PLS3: variants seen among roughly 807,000 people sequenced by gnomAD.
PLS3 encodes the protein plastin-3.
In PLS3, 11 loss-of-function variants were observed where a neutral mutation model predicts 46.5. The observed-to-expected ratio is 0.24, with a 90% CI of 0.15 to 0.39. The LOEUF (loss-of-function observed/expected upper bound fraction) is 0.39. Among genes scored for constraint, PLS3 ranks in the 10% least tolerant of loss-of-function variants. PLS3 has a pLI of 1.00. For synonymous variants in PLS3, 167 were observed against 162.2 expected (o/e 1.03, Z -0.22); for missense variants, 308 against 461.8 (o/e 0.67, Z 3.05).
At chrX:115,627,747 T>C in intron 3 of PLS3, among the ~76,000 whole-genome samples, 1 of 111,786 alleles carries the variant, frequency 8.9e-6, no homozygotes, top group East Asian at 2.8e-4. Flanking sequence ...TCTGCATACA[T>C]ATACAAACAT....
chrX:115,647,547 T>C lies in PLS3; in HGVS notation c.1512-3T>C. ...TGACGTTTTCTTCTGCTGCCTCTCT[T>C]AGATATACCCTCAATGTCCTGGAAG... On this transcript the variant is annotated splice_region_variant and splice_polypyrimidine_tract_variant and intron_variant, in intron 13 of 15. Coordinates refer to ENST00000355899, the MANE Select transcript of PLS3 (RefSeq NM_005032.7). 1.7e-6 allele frequency: 2 copies of C among 1,205,687 alleles called. No homozygotes were observed. Among genetic ancestry groups the C allele is most frequent in the Non-Finnish European group, 2.2e-6 (2 of 890,413 alleles).
intron 8 of PLS3, among the ~76,000 whole-genome samples, chrX:115,639,156 T>C (rs978749853): frequency 1.8e-5 from 2 of 112,476 alleles, no homozygotes; most frequent in Admixed American, 1.9e-4. Flanking sequence ...TCTTTACTTG[T>C]TCTTCTCAAG....
At position 115,578,667 on chromosome X, in the gene PLS3, G is replaced by A. The variant is rs189339830; in HGVS notation, c.-9+17407G>A. 5.4e-3 allele frequency among the ~76,000 whole-genome samples: 472 copies of A among 87,183 alleles called. 5 individuals are homozygous for A. Among genetic ancestry groups the A allele is most frequent in the African/African-American group, 0.019 (430 of 22,347 alleles). The allele number at this position is 87,183 out of a possible 115,157, so 75.7% of individuals were successfully genotyped here. ...GTGAACCCGGGAGACGGAGCTTGCA[G>A]TGAGCCGAGATCACGCCACTGCACA... On this transcript the variant is annotated intron_variant, in intron 1 of 15. Coordinates refer to ENST00000355899, the MANE Select transcript of PLS3 (RefSeq NM_005032.7).
intron 1 of PLS3, among the ~76,000 whole-genome samples, chrX:115,573,529 T>C (rs1314135448): frequency 8.9e-6 from 1 of 112,444 alleles, no homozygotes; most frequent in Non-Finnish European, 1.9e-5. Flanking sequence ...TGTGGAAATA[T>C]TCATGTATGC....
chrX:115,636,801 A>AT (rs2074841662), intron 7 of PLS3, 35 bp from the exon 8 acceptor site: 5 of 1,163,082 alleles, frequency 4.3e-6, no homozygotes, highest in Non-Finnish European at 5.8e-6. Flanking sequence ...ATTGTGTCAT[A>AT]TAATAACTGT....
At position 115,650,011 on chromosome X, in the gene PLS3, A is replaced by G. The variant is rs782148505; in HGVS notation, c.*450A>G. The G allele has an allele frequency of 8.8e-6, 1 of 113,392 alleles. No homozygotes were observed. Among genetic ancestry groups the G allele is most frequent in the Non-Finnish European group, 1.9e-5 (1 of 53,734 alleles). 9.3% of individuals were successfully genotyped at this position (113,392 alleles called of 1,213,427 possible). Reference sequence around the variant, plus strand: ...AACTATGGTCAGAGCGTATTTGGATATGAGTATCCTTTGCTTATCTTTGTA... The same window carrying G: ...AACTATGGTCAGAGCGTATTTGGATGTGAGTATCCTTTGCTTATCTTTGTA... On this transcript the variant is annotated 3_prime_UTR_variant, in exon 16 of 16. Transcript: ENST00000355899.
chrX:115,640,009 A>G, intron 8 of PLS3: 3 of 543,234 alleles, frequency 5.5e-6, no homozygotes, highest in Non-Finnish European at 9.2e-6. Flanking sequence ...TGGTATATGC[A>G]TTGTGCTTTG....
chrX:115,587,517 C>T (rs1035272090), intron 1 of PLS3, among the ~76,000 whole-genome samples: 6 of 111,490 alleles, frequency 5.4e-5, no homozygotes, highest in Non-Finnish European at 1.1e-4. Flanking sequence ...GGGCAGATCA[C>T]GAGGTCAGGA....
chrX:115,583,908 C>CT (rs2147432894), intron 1 of PLS3, among the ~76,000 whole-genome samples: 1 of 110,884 alleles, frequency 9.0e-6, no homozygotes, highest in South Asian at 3.8e-4. Flanking sequence ...TGAGGAAAAA[C>CT]TTGATACACT....
chrX:115,630,766 CAT>C (rs72471382), intron 5 of PLS3, among the ~76,000 whole-genome samples: 7,642 of 91,540 alleles, frequency 0.083, 615 homozygotes, highest in African/African-American at 0.22. Context: ...ATTTTATACA[CAT>C]ATATACAAAA....
At chrX:115,636,245 T>A (rs371789019) in intron 7 of PLS3, among the ~76,000 whole-genome samples, 1 of 102,136 alleles carries the variant, frequency 9.8e-6, no homozygotes, top group Admixed American at 1.0e-4. Flanking sequence ...CTCGCTCTGT[T>A]GCCCAGGCTG....
At chrX:115,614,319 C>T in intron 2 of PLS3, 1 of 751,878 alleles carries the variant, frequency 1.3e-6, no homozygotes, top group Non-Finnish European at 1.6e-6. Context: ...AAAATGATGG[C>T]CAAACTGCTG....
chrX:115,639,046 G>C (rs182264555), intron 8 of PLS3, among the ~76,000 whole-genome samples: 1 of 111,683 alleles, frequency 9.0e-6, no homozygotes, highest in African/African-American at 3.2e-5. Flanking sequence ...TAATTGTTTG[G>C]TAATGTGAAA....
At chrX:115,631,749 T>C (rs956235111) in intron 5 of PLS3, among the ~76,000 whole-genome samples, 1 of 110,730 alleles carries the variant, frequency 9.0e-6, no homozygotes, top group Non-Finnish European at 1.9e-5. Flanking sequence ...TATATATATA[T>C]ACATTTCCTT....
chrX:115,615,890 C>T (rs1556636734), intron 2 of PLS3, among the ~76,000 whole-genome samples: 1 of 111,706 alleles, frequency 9.0e-6, no homozygotes, highest in Non-Finnish European at 1.9e-5. Flanking sequence ...TGGTTGGAAA[C>T]TATGATGCTG....
intron 2 of PLS3, among the ~76,000 whole-genome samples, chrX:115,614,002 C>T (rs782025217): frequency 7.0e-4 from 77 of 110,784 alleles, no homozygotes; most frequent in African/African-American, 2.4e-3. Context: ...GACGGAGTCT[C>T]GCTCTGTCAC....
At chrX:115,575,455 G>A (rs1443735190) in intron 1 of PLS3, among the ~76,000 whole-genome samples, 1 of 107,742 alleles carries the variant, frequency 9.3e-6, no homozygotes, top group African/African-American at 3.6e-5. Context: ...GTTATTTTTT[G>A]TTCCTTGAGA....
In PLS3 at chrX:115,639,604, G is replaced by A. The variant is rs2074873867; in HGVS notation, c.892-804G>A. The A allele has an allele frequency of 1.0e-5, 3 of 286,825 alleles. No individual in the cohort carries two copies. The Admixed American group carries it at 1.2e-4, about 11-fold the overall frequency. The allele number at this position is 286,825 out of a possible 1,213,427, so 23.6% of individuals were successfully genotyped here. A position where few individuals can be genotyped will look rare whatever the true frequency, so the allele number is the denominator to read the frequency against. Reference sequence around the variant, plus strand: ...AGCTGGAAGGTGGTCTTCACATATGGCAGGATTAAGGAATCTTGACTCAAA... The same window carrying A: ...AGCTGGAAGGTGGTCTTCACATATGACAGGATTAAGGAATCTTGACTCAAA... On this transcript the variant is annotated intron_variant, in intron 8 of 15. Coordinates refer to ENST00000355899, the MANE Select transcript of PLS3 (RefSeq NM_005032.7).
chrX:115,589,780 A>G (rs2074333021), intron 1 of PLS3, among the ~76,000 whole-genome samples: 1 of 111,602 alleles, frequency 9.0e-6, no homozygotes, highest in Admixed American at 9.5e-5. Flanking sequence ...CTTATGTGAA[A>G]CTCCCATAAC....
Sources: gnomAD v4.1 joint callset for allele counts (sites outside exome capture counted in the v4.1 genomes callset) on GRCh38, gnomAD v4.1.1 for gene constraint, MANE v1.5 for transcripts, NCBI Gene and HGNC (gene_info 2026-07-23, HGNC 2026-07-21) for gene names.